Variants in MIOS observed in about 807,000 individuals in gnomAD.
MIOS encodes GATOR2 complex protein MIOS.
MIOS carries 52 observed loss-of-function variants against 96.9 expected under a neutral mutation model. The ratio of observed to expected loss-of-function variants is 0.54; its 90% CI spans 0.43 to 0.68. The LOEUF is 0.68. MIOS is among the 30% of genes least tolerant of loss of function. The pLI is 0.00. For missense variants in MIOS, 1,005 were observed against 1,052.8 expected (o/e 0.95, Z 0.63); for synonymous variants, 397 against 359.5 (o/e 1.10, Z -1.18).
intron 5 of MIOS, among the ~76,000 whole-genome samples, chr7:7,575,879 CTT>C (rs1383226318): frequency 2.1e-5 from 3 of 143,200 alleles, no homozygotes; most frequent in Non-Finnish European, 3.1e-5. Flanking sequence ...AGGTTTTCAG[CTT>C]TTTTTTTTTT....
rs1409446631 is a variant in MIOS, at chr7:7,608,782, C to T, written c.*1690C>T. The T allele has an allele frequency of 6.6e-6, 1 of 151,966 alleles. No homozygotes were observed. Among genetic ancestry groups the T allele is most frequent in the Non-Finnish European group, 1.5e-5 (1 of 67,922 alleles). 9.4% of individuals were successfully genotyped at this position (151,966 alleles called of 1,614,324 possible). On this transcript the variant is annotated 3_prime_UTR_variant, in exon 13 of 13. Coordinates refer to ENST00000340080, the MANE Select transcript of MIOS (RefSeq NM_019005.4). ...GCTAAAGTAAAATGTAAAATTATCTCAAATAGTTACAAGTTTTGGAAATAC... is the reference window on the plus strand; with the variant it reads ...GCTAAAGTAAAATGTAAAATTATCTTAAATAGTTACAAGTTTTGGAAATAC...
At chr7:7,567,852 A>C (rs1233946368) in intron 2 of MIOS, among the ~76,000 whole-genome samples, 164 bp downstream of exon 2, 1 of 152,258 alleles carries the variant, frequency 6.6e-6, no homozygotes, top group African/African-American at 2.4e-5. Flanking sequence ...TGCCAAAAAA[A>C]CGTAAAAATC....
At chr7:7,595,238 C>A in intron 10 of MIOS, 106 bp downstream of exon 10, 1 of 1,241,404 alleles carries the variant, frequency 8.1e-7, no homozygotes, top group Admixed American at 2.5e-5. Context: ...CCATTGATGT[C>A]TTTGTCTTTT....
intron 11 of MIOS, among the ~76,000 whole-genome samples, chr7:7,597,449 T>C (rs114162713): frequency 7.7e-6 from 1 of 130,572 alleles, no homozygotes; most frequent in South Asian, 2.4e-4. Context: ...TTCTGCTGTT[T>C]GTCAGTTACC....
Position 7,573,317 on chromosome 7 carries a change from G to C in MIOS, c.842G>C (p.Gly281Ala). The C allele has an allele frequency of 1.2e-6, 2 of 1,614,050 alleles. No individual in the cohort carries two copies. Among genetic ancestry groups the C allele is most frequent in the East Asian group, 4.5e-5 (2 of 44,882 alleles). ...TKVAWCPTRT[G>A]LLATLTRDSN... is the part of the protein sequence containing the mutation. Reference sequence around the variant, plus strand: ...GTAGCATGGTGTCCCACTAGGACTGGTCTACTTGCCACTTTAACAAGGGAT... The same window carrying C: ...GTAGCATGGTGTCCCACTAGGACTGCTCTACTTGCCACTTTAACAAGGGAT... Residue 281 changes from glycine (G) to alanine (A), a missense_variant, in exon 4 of 13, where the codon GGT (glycine) becomes GCT (alanine). Transcript: ENST00000340080. This position sits in a 1 kb window ranked among gnomAD's most constrained non-coding sequence, Gnocchi z 5.0.
intron 3 of MIOS, among the ~76,000 whole-genome samples, chr7:7,568,789 T>C (rs1002740748): frequency 6.6e-6 from 1 of 152,266 alleles, no homozygotes; most frequent in African/African-American, 2.4e-5. Context: ...TTTACTCCTT[T>C]GTGAAATTAG....
At chr7:7,585,109 T>C (rs1783844548) in intron 6 of MIOS, among the ~76,000 whole-genome samples, 1 of 152,182 alleles carries the variant, frequency 6.6e-6, no homozygotes, top group African/African-American at 2.4e-5. Context: ...TATTGCAGTC[T>C]TGAGATGCAA....
At chr7:7,604,620 A>C (rs896134720) in intron 11 of MIOS, among the ~76,000 whole-genome samples, 5 of 152,186 alleles carry the variant, frequency 3.3e-5, no homozygotes, top group African/African-American at 1.2e-4. Flanking sequence ...GAGTTAATGC[A>C]TAAGTGAAAC....
At chr7:7,590,070 C>T (rs931787140) in intron 9 of MIOS, among the ~76,000 whole-genome samples, 2 of 152,172 alleles carry the variant, frequency 1.3e-5, no homozygotes, top group African/African-American at 4.8e-5. Flanking sequence ...TTGCTGTCTA[C>T]TTTACTTTTG....
chr7:7,596,603 C>A, intron 11 of MIOS, 142 bp downstream of exon 11: 1 of 755,434 alleles, frequency 1.3e-6, no homozygotes, highest in Non-Finnish European at 2.1e-6. Context: ...CTTTTATGTT[C>A]CTATAATTTA....
chr7:7,595,210 T>C, intron 10 of MIOS, 78 bp downstream of exon 10: 1 of 1,459,784 alleles, frequency 6.9e-7, no homozygotes, highest in Non-Finnish European at 9.2e-7. Context: ...AGCTCATTAT[T>C]TTGCTTATAT....
At chr7:7,605,739 A>G (rs1437081113) in intron 11 of MIOS, 5 of 448,644 alleles carry the variant, frequency 1.1e-5, no homozygotes, top group Non-Finnish European at 1.1e-5. Flanking sequence ...TTTTTTTTCC[A>G]TTTTTATATT....
chr7:7,584,117 A>G (rs921990898), intron 6 of MIOS, among the ~76,000 whole-genome samples: 25 of 152,134 alleles, frequency 1.6e-4, no homozygotes, highest in African/African-American at 5.8e-4. Context: ...TTGCTGGTCC[A>G]TTTTGAAACC....
intron 11 of MIOS, among the ~76,000 whole-genome samples, chr7:7,604,586 T>G (rs1393826903): frequency 6.6e-6 from 1 of 152,236 alleles, no homozygotes; most frequent in African/African-American, 2.4e-5. Context: ...TCTACTGGTT[T>G]CCTTCATTTT....
At chr7:7,604,620 A>G (rs896134720) in intron 11 of MIOS, among the ~76,000 whole-genome samples, 4 of 152,186 alleles carry the variant, frequency 2.6e-5, no homozygotes, top group African/African-American at 9.7e-5. Context: ...GAGTTAATGC[A>G]TAAGTGAAAC....
intron 10 of MIOS, among the ~76,000 whole-genome samples, chr7:7,595,339 G>A (rs1784173121): frequency 6.6e-6 from 1 of 152,166 alleles, no homozygotes; most frequent in Non-Finnish European, 1.5e-5. Context: ...GTCGCAGATA[G>A]AACAAACCAC....
chr7:7,596,314 C>G lies in MIOS; in HGVS notation c.2254C>G (p.Pro752Ala). ...AATCTCCTACAGCTGTTCAGCTGTG[C>G]CTCATCAGGGCAGAGGTTTTAGTCA... is the stretch of plus-strand genomic sequence containing the variant. ...KSISYSCSAV[P>A]HQGRGFSQYG... The change falls in exon 11 of 13, where the codon CCT (proline) becomes GCT (alanine). Residue 752 changes from proline to alanine, a missense_variant. Pro to Ala is a conservative substitution (Grantham distance 27). This residue lies in a region of MIOS where 865 missense variants were observed against 887.9 expected (regional missense o/e 0.97). Transcript: ENST00000340080. The G allele has an allele frequency of 6.2e-7, 1 of 1,614,056 alleles. No homozygotes were observed. Among genetic ancestry groups the G allele is most frequent in the South Asian group, 1.1e-5 (1 of 91,076 alleles).
chr7:7,570,216 G>A (rs1352444053), intron 3 of MIOS, among the ~76,000 whole-genome samples: 1 of 152,176 alleles, frequency 6.6e-6, no homozygotes, highest in Non-Finnish European at 1.5e-5. Flanking sequence ...CCTCTGTGTG[G>A]TAGCACTTGG....
rs1280173748 is a variant in MIOS, at chr7:7,572,154, G to A, written c.-40-282G>A. ...GTTATAACTCTGAAGTTAAGCTGAAGGTACTAGTAACAGTGCAATTAAGAT... is the reference window on the plus strand; with the variant it reads ...GTTATAACTCTGAAGTTAAGCTGAAAGTACTAGTAACAGTGCAATTAAGAT... On this transcript the variant is annotated intron_variant, in intron 3 of 12. Transcript: ENST00000340080. The surrounding 1 kb of genome is among the most constrained non-coding windows in gnomAD (Gnocchi z 4.8). Among the ~76,000 whole-genome samples, 1 of 152,166 alleles carries A rather than the reference G, an allele frequency of 6.6e-6. No individual in the cohort carries two copies. Among genetic ancestry groups the A allele is most frequent in the African/African-American group, 2.4e-5 (1 of 41,452 alleles).
Sources: allele counts gnomAD v4.1 joint callset (sites outside exome capture counted in the v4.1 genomes callset), GRCh38; gene constraint gnomAD v4.1.1; regional missense constraint gnomAD v4.1.1; non-coding constraint Gnocchi (gnomAD v3.1); transcripts MANE v1.5; gene names NCBI Gene and HGNC (gene_info 2026-07-23, HGNC 2026-07-21).